Variants in WDR70 observed in about 807,000 individuals in gnomAD.
WDR70 encodes WD repeat domain 70, also known as WD repeat-containing protein 70.
A neutral mutation model predicts 88.6 loss-of-function variants in WDR70; 53 were observed. That is an observed-to-expected ratio of 0.60 (90% CI 0.48 to 0.75). The LOEUF (loss-of-function observed/expected upper bound fraction) is 0.75, where lower values mean the gene tolerates loss of function less well. Among genes scored for constraint, WDR70 ranks in the 30% least tolerant of loss-of-function variants. The pLI, the probability that WDR70 is intolerant of heterozygous loss-of-function variation, is 0.00. For missense variants in WDR70, 610 were observed against 823.2 expected, an observed-to-expected ratio of 0.74 and a Z score of 3.17; for synonymous variants, 280 against 270.0, an observed-to-expected ratio of 1.04 and a Z score of -0.36.
intron 9 of WDR70, among the ~76,000 whole-genome samples, chr5:37,576,276 C>T (rs1743048343): frequency 6.6e-6 from 1 of 151,794 alleles, no homozygotes; most frequent in Non-Finnish European, 1.5e-5. Context: ...CAGCTTACCT[C>T]CATTTCTCAC....
At chr5:37,692,431 A>AAT (rs1746827241) in intron 10 of WDR70, among the ~76,000 whole-genome samples, 1 of 152,180 alleles carries the variant, frequency 6.6e-6, no homozygotes, top group African/African-American at 2.4e-5. Context: ...ATTTTAGACC[A>AAT]ATATTCCTGA....
chr5:37,555,968 C>T (rs1742284834), intron 9 of WDR70, among the ~76,000 whole-genome samples: 1 of 152,152 alleles, frequency 6.6e-6, no homozygotes, highest in South Asian at 2.1e-4. Flanking sequence ...ATCCACCAGC[C>T]TCAGCTTCCC....
chr5:37,514,356 A>ATATATATATATATATATGTATGTATG (rs771375976), intron 8 of WDR70, among the ~76,000 whole-genome samples: 7 of 54,406 alleles, frequency 1.3e-4, no homozygotes, highest in African/African-American at 2.7e-4. Flanking sequence ...ATATATATAT[A>ATATATATATATATATATGTATGTATG]TATGTATGTA....
intron 7 of WDR70, among the ~76,000 whole-genome samples, chr5:37,451,197 C>G (rs1386421443): frequency 6.6e-6 from 1 of 152,104 alleles, no homozygotes; most frequent in Non-Finnish European, 1.5e-5. Flanking sequence ...TGCCTCTGGC[C>G]TATTTTTTTC....
chr5:37,645,738 C>T (rs746097781), intron 10 of WDR70, among the ~76,000 whole-genome samples: 18 of 152,162 alleles, frequency 1.2e-4, no homozygotes, highest in Admixed American at 7.2e-4. Context: ...TTCTTTGTCT[C>T]TTACAGTTTT....
At chr5:37,469,878 G>T (rs532582009) in intron 7 of WDR70, among the ~76,000 whole-genome samples, 2 of 152,016 alleles carry the variant, frequency 1.3e-5, no homozygotes, top group Non-Finnish European at 2.9e-5. Context: ...AGCTATAACT[G>T]TAATAGACTT....
intron 10 of WDR70, among the ~76,000 whole-genome samples, chr5:37,652,581 C>G (rs7728471): frequency 0.97 from 147,720 of 152,314 alleles, 71,809 homozygotes; most frequent in East Asian, 1. Context: ...AGCATGGAAT[C>G]CTTTTCCATT....
At chr5:37,436,606 A>G (rs1750473464) in intron 5 of WDR70, among the ~76,000 whole-genome samples, 1 of 152,100 alleles carries the variant, frequency 6.6e-6, no homozygotes, top group Non-Finnish European at 1.5e-5. Flanking sequence ...CTTATGTGCC[A>G]AGAACTGTGC....
At chr5:37,454,471 G>T (rs1264810535) in intron 7 of WDR70, among the ~76,000 whole-genome samples, 2 of 152,076 alleles carry the variant, frequency 1.3e-5, no homozygotes, top group African/African-American at 4.8e-5. Context: ...TGTATGAACA[G>T]TTACTTGATT....
At chr5:37,522,798 C>T (rs1165509400) in intron 9 of WDR70, among the ~76,000 whole-genome samples, 1 of 152,172 alleles carries the variant, frequency 6.6e-6, no homozygotes, top group South Asian at 2.1e-4. Context: ...TGTGCTTTTC[C>T]AACGGTCTTA....
chr5:37,495,442 A>ATCTCTCTC (rs139533160), intron 8 of WDR70, among the ~76,000 whole-genome samples: 1 of 148,216 alleles, frequency 6.7e-6, no homozygotes, highest in African/African-American at 2.5e-5. Flanking sequence ...ATTATCAGCA[A>ATCTCTCTC]TCTCTCTCTC....
chr5:37,684,313 C>T lies in WDR70; in HGVS notation c.1093-13342C>T, dbSNP rs530270150. ...ATTTCTGTCATTTCAGCCGTCTCAG[C>T]CTGGTTCAGAATCCTTGCTGGAAAG... On this transcript the variant is annotated intron_variant, in intron 10 of 17. Coordinates refer to ENST00000265107, the MANE Select transcript of WDR70 (RefSeq NM_018034.4). Among the ~76,000 whole-genome samples, 347 of 152,296 alleles carry T rather than the reference C, an allele frequency of 2.3e-3. 2 individuals carry two copies. The highest frequency in any genetic ancestry group is 8.1e-3 in the African/African-American group (336 of 41,552).
intron 9 of WDR70, among the ~76,000 whole-genome samples, chr5:37,542,056 G>T (rs1356018679): frequency 6.6e-6 from 1 of 152,032 alleles, no homozygotes; most frequent in Admixed American, 6.6e-5. Flanking sequence ...AAAAAGTAGG[G>T]AATTAGAGAG....
intron 10 of WDR70, among the ~76,000 whole-genome samples, chr5:37,650,979 A>G (rs1471173892): frequency 9.2e-6 from 1 of 108,826 alleles, no homozygotes; most frequent in African/African-American, 3.8e-5. Flanking sequence ...TTTTTTTTTT[A>G]TACTTTAAGT....
intron 7 of WDR70, among the ~76,000 whole-genome samples, chr5:37,454,756 A>G (rs971617776): frequency 6.6e-6 from 1 of 152,090 alleles, no homozygotes; most frequent in African/African-American, 2.4e-5. Flanking sequence ...TTTTTATTGC[A>G]TATTAATTGA....
At chr5:37,535,447 G>A (rs2112316249) in intron 9 of WDR70, among the ~76,000 whole-genome samples, 1 of 152,218 alleles carries the variant, frequency 6.6e-6, no homozygotes, top group Admixed American at 6.5e-5. Flanking sequence ...ACTGAAATAA[G>A]GTGTTGTGGG....
intron 11 of WDR70, among the ~76,000 whole-genome samples, chr5:37,699,402 TACACACAC>T (rs70978839): frequency 5.7e-5 from 4 of 70,774 alleles, no homozygotes; most frequent in African/African-American, 7.9e-5. Context: ...TATATATATA[TACACACAC>T]ACACACACAC....
intron 8 of WDR70, among the ~76,000 whole-genome samples, chr5:37,482,154 T>C (rs1739691467): frequency 6.6e-6 from 1 of 152,170 alleles, no homozygotes; most frequent in African/African-American, 2.4e-5. Context: ...CACATTTTCC[T>C]ATCCTCTTCT....
At chr5:37,516,722 TA>T (rs1393294398) in intron 9 of WDR70, 132 bp downstream of exon 9, 9,443 of 155,558 alleles carry the variant, frequency 0.061, 286 homozygotes, top group South Asian at 0.083. Flanking sequence ...CATATATATA[TA>T]TATTTTTTTT....
Sources: gnomAD v4.1 joint callset for allele counts (sites outside exome capture counted in the v4.1 genomes callset) on GRCh38, gnomAD v4.1.1 for gene constraint, MANE v1.5 for transcripts, NCBI Gene and HGNC (gene_info 2026-07-23, HGNC 2026-07-21) for gene names.